Variants in ZSCAN1 observed in about 807,000 individuals in gnomAD.
ZSCAN1 encodes zinc finger and SCAN domain-containing protein 1.
Under a neutral mutation model 23.8 loss-of-function variants are expected in ZSCAN1, and 23 were observed. That is an observed-to-expected ratio of 0.97 (90% CI 0.70 to 1.37). ZSCAN1 has a LOEUF of 1.37. ZSCAN1 is among the 40% of genes most tolerant of loss of function. The pLI, the probability that ZSCAN1 is intolerant of heterozygous loss-of-function variation, is 0.00. For synonymous variants in ZSCAN1, 236 were observed against 232.3 expected (o/e 1.02, Z -0.15); for missense variants, 575 against 554.0 (o/e 1.04, Z -0.38).
chr19:58,034,081 C>T lies in ZSCAN1; in HGVS notation c.-232C>T, dbSNP rs1173400378. 1 of 151,604 alleles carries T rather than the reference C, an allele frequency of 6.6e-6. No homozygotes were observed. Among genetic ancestry groups the T allele is most frequent in the Admixed American group, 6.6e-5 (1 of 15,226 alleles). 9.4% of individuals were successfully genotyped at this position (151,604 alleles called of 1,614,324 possible). A position where few individuals can be genotyped will look rare whatever the true frequency, so the allele number is the denominator to read the frequency against. ...GGCGCGCAGGGTGCGGGGATGGGGTCCGCCCGCGGCGTTGGGCGCGCTCGC... is the reference window on the plus strand; with the variant it reads ...GGCGCGCAGGGTGCGGGGATGGGGTTCGCCCGCGGCGTTGGGCGCGCTCGC... On this transcript the variant is annotated 5_prime_UTR_variant, in exon 1 of 6. Coordinates refer to ENST00000282326, the MANE Select transcript of ZSCAN1 (RefSeq NM_182572.4).
chr19:58,055,687 C>T (rs1280238372), downstream of ZSCAN1, among the ~76,000 whole-genome samples: 1 of 152,190 alleles, frequency 6.6e-6, no homozygotes, highest in African/African-American at 2.4e-5. Flanking sequence ...AGTGCCCCCA[C>T]TTGTTGGGAG....
At chr19:58,052,839 C>T (rs1401984792) in intron 5 of ZSCAN1, among the ~76,000 whole-genome samples, 1 of 152,204 alleles carries the variant, frequency 6.6e-6, no homozygotes, top group Admixed American at 6.5e-5. Flanking sequence ...GGGCCTCAGC[C>T]TCCGCACCTG....
At chr19:58,043,458 A>G (rs993953087) in intron 4 of ZSCAN1, among the ~76,000 whole-genome samples, 2 of 152,252 alleles carry the variant, frequency 1.3e-5, no homozygotes. Flanking sequence ...GTACACTTGT[A>G]TAAAGCACTT....
At chr19:58,048,535 C>T (rs542590940) in intron 4 of ZSCAN1, among the ~76,000 whole-genome samples, 3 of 152,224 alleles carry the variant, frequency 2.0e-5, no homozygotes, top group South Asian at 2.1e-4. Flanking sequence ...GCTGGAGTGC[C>T]GTGGCATGAT....
At position 58,049,790 on chromosome 19, in the gene ZSCAN1, G is replaced by A. The variant is rs952931053; in HGVS notation, c.466-2700G>A. Among the ~76,000 whole-genome samples, 4 of 152,142 alleles carry A rather than the reference G, an allele frequency of 2.6e-5. No homozygotes were observed. Among genetic ancestry groups the A allele is most frequent in the Admixed American group, 1.3e-4 (2 of 15,258 alleles). On this transcript the variant is annotated intron_variant, in intron 4 of 5. Coordinates refer to ENST00000282326, the MANE Select transcript of ZSCAN1 (RefSeq NM_182572.4). This position sits in a 1 kb window ranked among gnomAD's most constrained non-coding sequence, Gnocchi z 4.5. ...GTGGAACACACTGCTGGGGTCCCTG[G>A]TGGTTCCCACCGCGTAGCTGATACT...
At chr19:58,051,646 C>A (rs1345697033) in intron 4 of ZSCAN1, among the ~76,000 whole-genome samples, 1 of 152,200 alleles carries the variant, frequency 6.6e-6, no homozygotes, top group Admixed American at 6.5e-5. Context: ...GACTCCTGGT[C>A]TTTTCTGATG....
intron 1 of ZSCAN1, among the ~76,000 whole-genome samples, chr19:58,034,769 CCAGCCGTCCA>C (rs1258848349): frequency 7.3e-6 from 1 of 136,460 alleles, no homozygotes; most frequent in African/African-American, 2.8e-5. Flanking sequence ...CTCCCCCCAA[CCAGCCGTCCA>C]CAGCCGTCGT....
rs2073847390 is a variant in ZSCAN1 at position 58,049,800 on chromosome 19, C to T, written c.466-2690C>T. On this transcript the variant is annotated intron_variant, in intron 4 of 5. Coordinates refer to ENST00000282326, the MANE Select transcript of ZSCAN1 (RefSeq NM_182572.4). The surrounding 1 kb of genome is among the most constrained non-coding windows in gnomAD (Gnocchi z 4.5). ...CTGCTGGGGTCCCTGGTGGTTCCCA[C>T]CGCGTAGCTGATACTCGTGGCCCCT... Among the ~76,000 whole-genome samples the T allele has an allele frequency of 6.6e-6, 1 of 152,132 alleles. No individual in the cohort carries two copies. Among genetic ancestry groups the T allele is most frequent in the Non-Finnish European group, 1.5e-5 (1 of 67,994 alleles).
chr19:58,053,826 CCTCA>C lies in ZSCAN1; in HGVS notation c.1005_1008del (p.Thr336SerfsTer113). The C allele has an allele frequency of 6.2e-7, 1 of 1,614,142 alleles. No homozygotes were observed. The highest frequency in any genetic ancestry group is 8.5e-7 in the Non-Finnish European group (1 of 1,180,026). On this transcript the variant is annotated frameshift_variant, in exon 6 of 6. Transcript: ENST00000282326. LOFTEE classifies it low-confidence loss of function (END_TRUNC). The surrounding 1 kb of genome is among the most constrained non-coding windows in gnomAD (Gnocchi z 5.8). ...GCAAGGTCTTCCTGCACAACTCCGT[CCTCA>C]CTGAGCATGGCAAGATCCACCTGCT...
rs760943692 is a variant in ZSCAN1 at position 58,053,949 on chromosome 19, C to A, written c.1125C>A (p.Ser375Arg). The A allele has an allele frequency of 1.2e-6, 2 of 1,611,222 alleles. No individual in the cohort carries two copies. Among genetic ancestry groups the A allele is most frequent in the South Asian group, 1.1e-5 (1 of 90,840 alleles). The change falls in exon 6 of 6, where the codon AGC (serine) becomes AGA (arginine). Residue 375 changes from serine (S) to arginine (R), a missense_variant. Coordinates refer to ENST00000282326, the MANE Select transcript of ZSCAN1 (RefSeq NM_182572.4). This position sits in a 1 kb window ranked among gnomAD's most constrained non-coding sequence, Gnocchi z 5.8. ...DGAQGPVAPR[S>R]PKRPFQCSVC... ...CCCAGGGCCCAGTGGCCCCTCGCAG[C>A]CCCAAAAGACCCTTCCAGTGTAGCG...
rs1201196378 is a variant in ZSCAN1 at position 58,053,503 on chromosome 19, G to A, written c.679G>A (p.Asp227Asn). The A allele has an allele frequency of 6.2e-7, 1 of 1,614,144 alleles. No homozygotes were observed. Among genetic ancestry groups the A allele is most frequent in the Admixed American group, 1.7e-5 (1 of 60,026 alleles). ...PEDLLAGPSSDLRAEGTVISS... is the reference protein window; with the variant it reads ...PEDLLAGPSSNLRAEGTVISS... ...GGACCTTCTCGCAGGGCCCTCCTCA[G>A]ACCTGCGGGCAGAAGGGACTGTGAT... Residue 227 changes from aspartate (D) to asparagine (N), a missense_variant, in exon 6 of 6, where the codon GAC (aspartate) becomes AAC (asparagine). Transcript: ENST00000282326. The surrounding 1 kb of genome is among the most constrained non-coding windows in gnomAD (Gnocchi z 5.8).
rs2073780316 is a variant in ZSCAN1 at position 58,040,510 on chromosome 19, G to A, written c.431G>A (p.Gly144Glu). 5 of 1,613,472 alleles carry A rather than the reference G, an allele frequency of 3.1e-6. No individual in the cohort carries two copies. The East Asian group carries it at 1.1e-4, about 36-fold the overall frequency. Reference protein sequence around the residue: ...QDWSFGEEEDGKSPRSQKEPS... With the variant: ...QDWSFGEEEDEKSPRSQKEPS... ...TGGAGTTTCGGTGAGGAGGAAGATG[G>A]GAAGAGTCCAAGGTCCCAGAAAGAA... The change falls in exon 4 of 6, where the codon GGG (glycine) becomes GAG (glutamate). Residue 144 changes from glycine (G) to glutamate (E), a missense_variant. By Grantham distance (98) the Gly-to-Glu change is moderately conservative. Transcript: ENST00000282326. This position sits in a 1 kb window ranked among gnomAD's most constrained non-coding sequence, Gnocchi z 5.8.
chr19:58,042,084 A>G (rs1473333851), intron 4 of ZSCAN1, among the ~76,000 whole-genome samples: 1 of 152,216 alleles, frequency 6.6e-6, no homozygotes, highest in East Asian at 1.9e-4. Context: ...ACCAGGGCAA[A>G]TATTTAGGCT....
rs770743318 is a variant in ZSCAN1 at position 58,045,775 on chromosome 19, C to G, written c.465+5231C>G. 4 of 1,554,018 alleles carry G rather than the reference C, an allele frequency of 2.6e-6. No individual in the cohort carries two copies. Among genetic ancestry groups the G allele is most frequent in the Non-Finnish European group, 3.6e-6 (4 of 1,126,122 alleles). ...GGGCCAGCTGAAGCAGTGGCTGGAC[C>G]TGCACCTGCATCAGGAGATCCCCAC... On this transcript the variant is annotated intron_variant, in intron 4 of 5. Coordinates refer to ENST00000282326, the MANE Select transcript of ZSCAN1 (RefSeq NM_182572.4). This position sits in a 1 kb window ranked among gnomAD's most constrained non-coding sequence, Gnocchi z 4.3.
rs776182361 is a variant in ZSCAN1, at chr19:58,040,449, G to C, written c.371-1G>C. 3 of 1,613,596 alleles carry C rather than the reference G, an allele frequency of 1.9e-6. No homozygotes were observed. The highest frequency in any genetic ancestry group is 2.2e-5 in the South Asian group (2 of 91,090). ...TCTCACGATCCCTTTCTCCCGCACAGTTCTGGTATCTCTGGACTCGGTCGA... is the reference window on the plus strand; with the variant it reads ...TCTCACGATCCCTTTCTCCCGCACACTTCTGGTATCTCTGGACTCGGTCGA... On this transcript the variant is annotated splice_acceptor_variant, in intron 3 of 5. Transcript: ENST00000282326. LOFTEE classifies it high-confidence loss of function. This position sits in a 1 kb window ranked among gnomAD's most constrained non-coding sequence, Gnocchi z 5.8.
chr19:58,053,648 C>G lies in ZSCAN1; in HGVS notation c.824C>G (p.Ala275Gly). ...LKHTKGGTQEAVAGISVVPRG... is the reference protein window; with the variant it reads ...LKHTKGGTQEGVAGISVVPRG... ...CACACCAAAGGTGGTACCCAAGAGGCTGTTGCAGGCATCTCGGTAGTGCCG... is the reference window on the plus strand; with the variant it reads ...CACACCAAAGGTGGTACCCAAGAGGGTGTTGCAGGCATCTCGGTAGTGCCG... Residue 275 changes from alanine to glycine, a missense_variant, in exon 6 of 6, where the codon GCT (alanine) becomes GGT (glycine). Transcript: ENST00000282326. This position sits in a 1 kb window ranked among gnomAD's most constrained non-coding sequence, Gnocchi z 5.8. The G allele has an allele frequency of 6.2e-7, 1 of 1,614,194 alleles. No homozygotes were observed. Among genetic ancestry groups the G allele is most frequent in the African/African-American group, 1.3e-5 (1 of 75,052 alleles).
rs963170512 is a variant in ZSCAN1, at chr19:58,040,608, G to A, written c.465+64G>A. ...AGGGCATGCGTGCCGCTTCTGGGACGGCCTCAAGGATGCCCCATCCAAGGA... is the reference window on the plus strand; with the variant it reads ...AGGGCATGCGTGCCGCTTCTGGGACAGCCTCAAGGATGCCCCATCCAAGGA... On this transcript the variant is annotated intron_variant, in intron 4 of 5. Transcript: ENST00000282326. This position sits in a 1 kb window ranked among gnomAD's most constrained non-coding sequence, Gnocchi z 5.8. The A allele has an allele frequency of 4.0e-5, 61 of 1,527,978 alleles. No homozygotes were observed. The highest frequency in any genetic ancestry group is 2.7e-4 in the South Asian group (24 of 89,036). 94.7% of individuals were successfully genotyped at this position (1,527,978 alleles called of 1,614,324 possible).
chr19:58,039,829 G>A (rs112464144), intron 3 of ZSCAN1, among the ~76,000 whole-genome samples: 1 of 149,486 alleles, frequency 6.7e-6, no homozygotes, highest in African/African-American at 2.5e-5. Context: ...CCCCATGCAC[G>A]TCTCCTAGTC....
At chr19:58,034,382 A>AGGCT (rs2073717586) in intron 1 of ZSCAN1, among the ~76,000 whole-genome samples, 1 of 136,550 alleles carries the variant, frequency 7.3e-6, no homozygotes, top group Admixed American at 7.1e-5. Flanking sequence ...GGGAAGGGGA[A>AGGCT]GGCTAGAGGC....
Sources: gnomAD v4.1 joint callset for allele counts (sites outside exome capture counted in the v4.1 genomes callset) on GRCh38, gnomAD v4.1.1 for gene constraint, Gnocchi (gnomAD v3.1) non-coding constraint, MANE v1.5 for transcripts, NCBI Gene and HGNC (gene_info 2026-07-23, HGNC 2026-07-21) for gene names.